CRPPA: variants seen among roughly 807,000 people sequenced by gnomAD.
The protein encoded by CRPPA is CDP-L-ribitol pyrophosphorylase A.
Under a neutral mutation model 52.0 loss-of-function variants are expected in CRPPA, and 43 were observed. That is an observed-to-expected ratio of 0.83 (90% confidence interval 0.65 to 1.07). CRPPA has a LOEUF of 1.07. Among genes scored for constraint, CRPPA ranks in the 50% least tolerant of loss-of-function variants. The pLI is 0.00. For synonymous variants in CRPPA, 250 were observed against 203.5 expected, an observed-to-expected ratio of 1.23 and a Z score of -1.94; for missense variants, 629 against 551.7, an observed-to-expected ratio of 1.14 and a Z score of -1.40.
At chr7:16,397,578 A>G (rs1052276333) in intron 2 of CRPPA, among the ~76,000 whole-genome samples, 28 of 139,340 alleles carry the variant, frequency 2.0e-4, no homozygotes, top group African/African-American at 8.9e-4. Context: ...TGACTGACAT[A>G]TGAGACGTGA....
intron 6 of CRPPA, among the ~76,000 whole-genome samples, chr7:16,267,014 T>C (rs1583480122): frequency 6.6e-6 from 1 of 152,192 alleles, no homozygotes; most frequent in Admixed American, 6.6e-5. Flanking sequence ...AACAGTAATA[T>C]GATCCCTTTA....
intron 9 of CRPPA, among the ~76,000 whole-genome samples, chr7:16,141,244 C>T (rs1450770492): frequency 6.6e-6 from 1 of 152,104 alleles, no homozygotes; most frequent in East Asian, 1.9e-4. Flanking sequence ...CTATATCTTC[C>T]TAAATCCTTT....
chr7:16,397,336 G>A (rs1442402295), intron 2 of CRPPA, among the ~76,000 whole-genome samples: 1 of 152,224 alleles, frequency 6.6e-6, no homozygotes, highest in Non-Finnish European at 1.5e-5. Context: ...CGTGTGACAT[G>A]ACCAACATGT....
chr7:16,324,426 T>C (rs1399117388), intron 3 of CRPPA, among the ~76,000 whole-genome samples: 2 of 152,232 alleles, frequency 1.3e-5, no homozygotes, highest in African/African-American at 4.8e-5. Flanking sequence ...AATGAACCAG[T>C]TTGCTGTTTC....
In CRPPA at chr7:16,089,327, AAT is replaced by A. The variant is rs757671702; in HGVS notation, c.*2366_*2367del. The A allele has an allele frequency of 2.1e-4, 77 of 366,368 alleles. 1 individual carries two copies. Among genetic ancestry groups the A allele is most frequent in the Middle Eastern group, 1.7e-3 (2 of 1,178 alleles). 22.7% of individuals were successfully genotyped at this position (366,368 alleles called of 1,614,324 possible). On this transcript the variant is annotated 3_prime_UTR_variant, in exon 10 of 10. Transcript: ENST00000407010. Reference sequence around the variant, plus strand: ...ATATGTGTGTATGCGTACGTATATAAATATATGTGTGTATGCGTACGTATATA... The same window carrying A: ...ATATGTGTGTATGCGTACGTATATAAATATGTGTGTATGCGTACGTATATA...
intron 8 of CRPPA, among the ~76,000 whole-genome samples, chr7:16,256,239 C>A (rs995700752): frequency 6.6e-6 from 1 of 152,180 alleles, no homozygotes; most frequent in Non-Finnish European, 1.5e-5. Flanking sequence ...GAGATACCAT[C>A]TCACACCAGT....
intron 8 of CRPPA, among the ~76,000 whole-genome samples, chr7:16,254,753 GA>G: frequency 7.0e-6 from 1 of 142,898 alleles, no homozygotes; most frequent in African/African-American, 2.6e-5. Flanking sequence ...AAGACAGAAA[GA>G]AAGAAAGACA....
At chr7:16,339,344 C>T (rs1785765076) in intron 3 of CRPPA, among the ~76,000 whole-genome samples, 1 of 152,082 alleles carries the variant, frequency 6.6e-6, no homozygotes, top group African/African-American at 2.4e-5. Flanking sequence ...GTACTATACA[C>T]CATGACCAAG....
chr7:16,092,383 A>G lies in CRPPA; in HGVS notation c.1252-584T>C, dbSNP rs149264349. 3.1e-3 allele frequency among the ~76,000 whole-genome samples: 471 copies of G among 152,302 alleles called. 1 individual carries two copies. The highest frequency in any genetic ancestry group is 9.8e-3 in the African/African-American group (407 of 41,572). Reference sequence around the variant, plus strand: ...TGAAGGGAAAATAGAAACAGAGCTAATATCTTTCAGGTCTCTGTGTTGTGA... The same window carrying G: ...TGAAGGGAAAATAGAAACAGAGCTAGTATCTTTCAGGTCTCTGTGTTGTGA... On this transcript the variant is annotated intron_variant, in intron 9 of 9. Coordinates refer to ENST00000407010, the MANE Select transcript of CRPPA (RefSeq NM_001101426.4).
chr7:16,266,948 CA>C (rs2128414962), intron 6 of CRPPA, among the ~76,000 whole-genome samples: 1 of 152,218 alleles, frequency 6.6e-6, no homozygotes, highest in South Asian at 2.1e-4. Context: ...TCATGTTTGG[CA>C]GGCATGTTCT....
intron 1 of CRPPA, among the ~76,000 whole-genome samples, 178 bp downstream of exon 1, chr7:16,420,888 T>A (rs1419834166): frequency 6.6e-6 from 1 of 152,142 alleles, no homozygotes; most frequent in South Asian, 2.1e-4. Flanking sequence ...CGTGCCCATC[T>A]GTTAAAGGCC....
chr7:16,403,304 C>T (rs1787872062), intron 2 of CRPPA, among the ~76,000 whole-genome samples: 1 of 152,130 alleles, frequency 6.6e-6, no homozygotes, highest in Non-Finnish European at 1.5e-5. Context: ...AAAACTGGGT[C>T]CTTGTGATGC....
intron 9 of CRPPA, among the ~76,000 whole-genome samples, chr7:16,098,582 A>C (rs1054118105): frequency 5.3e-5 from 8 of 152,210 alleles, no homozygotes; most frequent in African/African-American, 1.9e-4. Flanking sequence ...CTATATTTAC[A>C]TCTAGTCATA....
At chr7:16,131,502 T>C (rs1170668305) in intron 9 of CRPPA, among the ~76,000 whole-genome samples, 2 of 152,230 alleles carry the variant, frequency 1.3e-5, no homozygotes, top group African/African-American at 4.8e-5. Context: ...ACCTGGGCTC[T>C]GGTGGAAGCC....
intron 4 of CRPPA, among the ~76,000 whole-genome samples, chr7:16,305,486 A>G (rs1203723962): frequency 3.3e-5 from 5 of 152,128 alleles, no homozygotes; most frequent in Non-Finnish European, 7.4e-5. Flanking sequence ...TATGATGCTG[A>G]TTTCTAGTGG....
intron 3 of CRPPA, among the ~76,000 whole-genome samples, chr7:16,332,676 C>T (rs569240615): frequency 6.6e-6 from 1 of 152,056 alleles, no homozygotes; most frequent in South Asian, 2.1e-4. Context: ...GAAGAAAACA[C>T]AAGTCACAAA....
rs376411072 is a variant in CRPPA at position 16,376,163 on chromosome 7, G to A, written c.613C>T (p.Arg205Cys). The change falls in exon 3 of 10, where the codon CGT becomes TGT. Residue 205 changes from arginine to cysteine, a missense_variant. Coordinates refer to ENST00000407010, the MANE Select transcript of CRPPA (RefSeq NM_001101426.4). ...ADGCLDYSLE[R>C]ARHRASEMPQ... ...ATTTCACTTGCTCTGTGTCTGGCACGTTCTAGCGAGTAGTCTAAGCAACCA... is the reference window on the plus strand; with the variant it reads ...ATTTCACTTGCTCTGTGTCTGGCACATTCTAGCGAGTAGTCTAAGCAACCA... The A allele has an allele frequency of 5.0e-6, 8 of 1,613,232 alleles. No homozygotes were observed. The highest frequency in any genetic ancestry group is 2.2e-5 in the East Asian group (1 of 44,840).
chr7:16,281,205 G>T (rs568002878), intron 5 of CRPPA, among the ~76,000 whole-genome samples: 1 of 152,224 alleles, frequency 6.6e-6, no homozygotes, highest in East Asian at 1.9e-4. Flanking sequence ...AAATGAACAT[G>T]ATTTGTCCCC....
chr7:16,275,635 C>T (rs1451265589), intron 6 of CRPPA, among the ~76,000 whole-genome samples: 1 of 151,956 alleles, frequency 6.6e-6, no homozygotes, highest in Non-Finnish European at 1.5e-5. Flanking sequence ...TGAGACCAGC[C>T]TGGGCAACAT....
Sources: gnomAD v4.1 joint callset for allele counts (sites outside exome capture counted in the v4.1 genomes callset) on GRCh38, gnomAD v4.1.1 for gene constraint, MANE v1.5 for transcripts, NCBI Gene and HGNC (gene_info 2026-07-23, HGNC 2026-07-21) for gene names.